Variants in TCF7L2 observed in about 807,000 individuals in gnomAD.
TCF7L2 encodes the protein transcription factor 7-like 2.
TCF7L2 carries 23 observed loss-of-function variants against 77.9 expected under a neutral mutation model. The observed-to-expected ratio is 0.30, with a 90% CI of 0.21 to 0.42. The LOEUF is 0.42. Among genes scored for constraint, TCF7L2 ranks in the 10% least tolerant of loss-of-function variants. The probability of loss-of-function intolerance (pLI) is 1.00; values close to 1 mark genes in which losing one functional copy is unlikely to be tolerated. For missense variants in TCF7L2, 654 were observed against 793.1 expected, an observed-to-expected ratio of 0.82 and a Z score of 2.11; for synonymous variants, 413 against 340.2, an observed-to-expected ratio of 1.21 and a Z score of -2.36.
intron 5 of TCF7L2, among the ~76,000 whole-genome samples, chr10:113,090,372 A>C (rs1175520901): frequency 1.3e-5 from 2 of 152,204 alleles, no homozygotes; most frequent in East Asian, 1.9e-4. Flanking sequence ...TTGTATACCT[A>C]TTGGGTGCTG....
intron 11 of TCF7L2, chr10:113,157,732 T>A: frequency 3.2e-6 from 1 of 311,108 alleles, no homozygotes; most frequent in Admixed American, 4.5e-5. Flanking sequence ...GATCAAATGC[T>A]GTGGGTCAGG....
intron 5 of TCF7L2, among the ~76,000 whole-genome samples, chr10:113,083,763 A>T (rs1201833403): frequency 6.6e-6 from 1 of 152,184 alleles, no homozygotes; most frequent in Admixed American, 6.5e-5. Flanking sequence ...TTGTCAGTTC[A>T]GTACTTTGCT....
At chr10:113,034,263 C>G (rs1292503230) in intron 4 of TCF7L2, among the ~76,000 whole-genome samples, 1 of 152,136 alleles carries the variant, frequency 6.6e-6, no homozygotes, top group African/African-American at 2.4e-5. Flanking sequence ...TGGTATTTCC[C>G]TTTCTATGGT....
chr10:113,025,279 C>G (rs1372934784), intron 4 of TCF7L2, among the ~76,000 whole-genome samples: 1 of 150,798 alleles, frequency 6.6e-6, no homozygotes, highest in Non-Finnish European at 1.5e-5. Flanking sequence ...GCTCTGGTGC[C>G]CAGGCTGGAG....
At chr10:113,161,021 C>A (rs2073082316) in intron 13 of TCF7L2, among the ~76,000 whole-genome samples, 1 of 152,150 alleles carries the variant, frequency 6.6e-6, no homozygotes, top group South Asian at 2.1e-4. Context: ...CCTTGGTGGC[C>A]CGGGTACTGA....
intron 6 of TCF7L2, among the ~76,000 whole-genome samples, chr10:113,143,104 A>G (rs1415979697): frequency 1.3e-5 from 2 of 152,238 alleles, no homozygotes; most frequent in Non-Finnish European, 2.9e-5. Flanking sequence ...AATGGCATAC[A>G]TCAATTCCTC....
At chr10:112,980,321 G>T (rs1265665939) in intron 4 of TCF7L2, among the ~76,000 whole-genome samples, 1 of 152,208 alleles carries the variant, frequency 6.6e-6, no homozygotes, top group Non-Finnish European at 1.5e-5. Context: ...TGATGTAATA[G>T]CAAAGCTGAA....
chr10:113,111,281 A>G (rs183524768), intron 5 of TCF7L2, among the ~76,000 whole-genome samples: 154 of 152,184 alleles, frequency 1.0e-3, no homozygotes, highest in African/African-American at 3.6e-3. Flanking sequence ...CTCCCTCTCT[A>G]GATTATTAAT....
intron 5 of TCF7L2, among the ~76,000 whole-genome samples, chr10:113,047,928 A>G (rs1169426051): frequency 6.6e-6 from 1 of 152,116 alleles, no homozygotes. Context: ...GTTTCCTGAC[A>G]TTTGTTTCGC....
At chr10:113,103,386 G>C (rs752905320) in intron 5 of TCF7L2, among the ~76,000 whole-genome samples, 1 of 152,032 alleles carries the variant, frequency 6.6e-6, no homozygotes, top group Non-Finnish European at 1.5e-5. Flanking sequence ...TGTTTTGTGT[G>C]TGTGGTTTTG....
At chr10:113,037,938 A>G (rs916062737) in intron 4 of TCF7L2, among the ~76,000 whole-genome samples, 4 of 152,186 alleles carry the variant, frequency 2.6e-5, no homozygotes, top group South Asian at 4.1e-4. Flanking sequence ...GTTTTGACCA[A>G]TGCAGCTCAT....
chr10:113,135,935 G>A (rs2067323295), intron 5 of TCF7L2, among the ~76,000 whole-genome samples: 1 of 152,080 alleles, frequency 6.6e-6, no homozygotes, highest in Non-Finnish European at 1.5e-5. Context: ...CAATAGGAAG[G>A]TTGGCCCAGG....
At chr10:113,017,363 C>T (rs1270846027) in intron 4 of TCF7L2, among the ~76,000 whole-genome samples, 2 of 126,968 alleles carry the variant, frequency 1.6e-5, no homozygotes, top group East Asian at 3.9e-4. Context: ...ATTTTACCCA[C>T]GAGGAAACAA....
At position 113,107,752 on chromosome 10, in the gene TCF7L2, T is replaced by TAAAAAAAAAAAAAAAAAAAAA. The variant is rs398014821; in HGVS notation, c.553-33428_553-33408dup. Among the ~76,000 whole-genome samples, 30 of 55,262 alleles carry TAAAAAAAAAAAAAAAAAAAAA rather than the reference T, an allele frequency of 5.4e-4. 1 individual carries two copies. Among genetic ancestry groups the TAAAAAAAAAAAAAAAAAAAAA allele is most frequent in the Non-Finnish European group, 7.8e-4 (23 of 29,330 alleles). The allele number at this position is 55,262 out of a possible 152,430, so 36.3% of individuals were successfully genotyped here. ...CTGGGCGACCGAGCGAGACTCCGTC[T>TAAAAAAAAAAAAAAAAAAAAA]AAAAAAAAAAAAAAAAAAAAAAAAC... On this transcript the variant is annotated intron_variant, in intron 5 of 13. Transcript: ENST00000627217.
chr10:112,957,597 A>G (rs1252498392), intron 3 of TCF7L2, among the ~76,000 whole-genome samples: 1 of 152,160 alleles, frequency 6.6e-6, no homozygotes, highest in Admixed American at 6.5e-5. Context: ...GTTTGGGGGA[A>G]TTGAAATTGG....
chr10:113,062,084 C>G (rs536117674), intron 5 of TCF7L2, among the ~76,000 whole-genome samples: 1 of 152,186 alleles, frequency 6.6e-6, no homozygotes, highest in South Asian at 2.1e-4. Flanking sequence ...AGTTGTACAC[C>G]ATGACTGGAA....
chr10:113,082,999 G>A (rs1564870458), intron 5 of TCF7L2, among the ~76,000 whole-genome samples: 1 of 152,218 alleles, frequency 6.6e-6, no homozygotes, highest in African/African-American at 2.4e-5. Flanking sequence ...ATGTGAAAAA[G>A]TGGTCTCTTT....
intron 4 of TCF7L2, among the ~76,000 whole-genome samples, chr10:112,989,240 A>C (rs2042099997): frequency 6.6e-6 from 1 of 151,932 alleles, no homozygotes; most frequent in African/African-American, 2.4e-5. Context: ...TTACTCTGGA[A>C]TTTCCCTCTC....
At chr10:113,002,547 T>G (rs911640767) in intron 4 of TCF7L2, among the ~76,000 whole-genome samples, 1 of 151,876 alleles carries the variant, frequency 6.6e-6, no homozygotes, top group Non-Finnish European at 1.5e-5. Context: ...TGTGTGGGGG[T>G]GTGTGTGTGT....
Sources: allele counts gnomAD v4.1 joint callset (sites outside exome capture counted in the v4.1 genomes callset), GRCh38; gene constraint gnomAD v4.1.1; transcripts MANE v1.5; gene names NCBI Gene and HGNC (gene_info 2026-07-23, HGNC 2026-07-21).